The following ARG2 variants were observed in gnomAD, a reference collection of about 807,000 sequenced individuals.
ARG2 encodes arginase-2, mitochondrial.
In ARG2, 21 loss-of-function variants were observed where a neutral mutation model predicts 39.4. The observed-to-expected ratio is 0.53, with a 90% CI of 0.38 to 0.77. The LOEUF (loss-of-function observed/expected upper bound fraction) is 0.77. Among genes scored for constraint, ARG2 ranks in the 30% least tolerant of loss-of-function variants. ARG2 has a pLI of 0.00. For synonymous variants in ARG2, 150 were observed against 156.7 expected (o/e 0.96, Z 0.32); for missense variants, 378 against 426.2 (o/e 0.89, Z 1.00).
At chr14:67,632,883 T>G (rs1055475676) in intron 2 of ARG2, among the ~76,000 whole-genome samples, 5 of 132,556 alleles carry the variant, frequency 3.8e-5, no homozygotes, top group African/African-American at 1.4e-4. Context: ...TGCAGTGGCG[T>G]GATCTCGGCT....
At chr14:67,643,010 C>T (rs112722894) in intron 3 of ARG2, among the ~76,000 whole-genome samples, 4,383 of 151,902 alleles carry the variant, frequency 0.029, 227 homozygotes, top group African/African-American at 0.1. Flanking sequence ...GCCATGTTGC[C>T]CAGACTGGTC....
chr14:67,641,711 G>A (rs4902504), intron 2 of ARG2, among the ~76,000 whole-genome samples: 5,527 of 152,198 alleles, frequency 0.036, 285 homozygotes, highest in African/African-American at 0.11. Flanking sequence ...AGGATGAGGC[G>A]GGAGGATCAG....
chr14:67,619,973 G>T lies in ARG2; in HGVS notation c.-5G>T. 1 of 1,581,650 alleles carries T rather than the reference G, an allele frequency of 6.3e-7. No homozygotes were observed. The highest frequency in any genetic ancestry group is 1.7e-4 in the Middle Eastern group (1 of 5,968). ...CTGCCTTGGAGATTCTCAGTGCTGCGGATCATGTCCCTAAGGGGCAGCCTC... is the reference window on the plus strand; with the variant it reads ...CTGCCTTGGAGATTCTCAGTGCTGCTGATCATGTCCCTAAGGGGCAGCCTC... On this transcript the variant is annotated 5_prime_UTR_variant, in exon 1 of 8. Coordinates refer to ENST00000261783, the MANE Select transcript of ARG2 (RefSeq NM_001172.4).
At chr14:67,637,971 T>C (rs959644060) in intron 2 of ARG2, among the ~76,000 whole-genome samples, 2 of 152,140 alleles carry the variant, frequency 1.3e-5, no homozygotes, top group African/African-American at 4.8e-5. Context: ...TTCTCAATGC[T>C]TTCTTCCTCT....
At chr14:67,625,259 T>C (rs2036851742) in intron 2 of ARG2, among the ~76,000 whole-genome samples, 1 of 152,058 alleles carries the variant, frequency 6.6e-6, no homozygotes, top group South Asian at 2.1e-4. Flanking sequence ...TTAGAGAACA[T>C]AGGACTGGAT....
intron 3 of ARG2, among the ~76,000 whole-genome samples, chr14:67,642,722 T>A (rs914023172): frequency 6.6e-6 from 1 of 151,588 alleles, no homozygotes; most frequent in Non-Finnish European, 1.5e-5. Context: ...ATAGGCTGAA[T>A]GTGCAAGTTT....
chr14:67,620,153 C>A, intron 1 of ARG2, 65 bp downstream of exon 1: 1 of 1,206,232 alleles, frequency 8.3e-7, no homozygotes, highest in Non-Finnish European at 1.2e-6. Flanking sequence ...GAGACAGCGG[C>A]GGTAGGGTGC....
rs1163243916 is a variant in ARG2, at chr14:67,651,669, G to A, written c.*749G>A. The A allele has an allele frequency of 2.1e-6, 1 of 470,444 alleles. No individual in the cohort carries two copies. Among genetic ancestry groups the A allele is most frequent in the Admixed American group, 3.9e-5 (1 of 25,544 alleles). 29.1% of individuals were successfully genotyped at this position (470,444 alleles called of 1,614,324 possible). A position where few individuals can be genotyped will look rare whatever the true frequency, so the allele number is the denominator to read the frequency against. Reference sequence around the variant, plus strand: ...TAGGGATAACACTGTCTACCTCACAGAAATGTTAAACTGAGACAATAAAAA... The same window carrying A: ...TAGGGATAACACTGTCTACCTCACAAAAATGTTAAACTGAGACAATAAAAA... On this transcript the variant is annotated 3_prime_UTR_variant, in exon 8 of 8. Transcript: ENST00000261783.
At chr14:67,631,090 C>G (rs1297488531) in intron 2 of ARG2, among the ~76,000 whole-genome samples, 1 of 152,204 alleles carries the variant, frequency 6.6e-6, no homozygotes, top group African/African-American at 2.4e-5. Context: ...CTCTCCTAAC[C>G]TGTCCTTTCG....
chr14:67,645,345 GA>G (rs1487367841), intron 3 of ARG2, among the ~76,000 whole-genome samples: 2 of 152,106 alleles, frequency 1.3e-5, no homozygotes, highest in Admixed American at 1.3e-4. Context: ...ACAAATATTT[GA>G]GGTTCTTTTC....
chr14:67,633,939 C>A (rs538370735), intron 2 of ARG2, among the ~76,000 whole-genome samples: 1 of 152,214 alleles, frequency 6.6e-6, no homozygotes, highest in East Asian at 1.9e-4. Context: ...TCCCGCCACA[C>A]CCTTTGTACA....
At chr14:67,633,695 T>C (rs1594824765) in intron 2 of ARG2, among the ~76,000 whole-genome samples, 1 of 152,214 alleles carries the variant, frequency 6.6e-6, no homozygotes, top group Admixed American at 6.5e-5. Context: ...CCACGGTTGT[T>C]CCCCACCACA....
rs1037087811 is a variant in ARG2 at position 67,620,172 on chromosome 14, G to A, written c.111+84G>A. 16 of 988,064 alleles carry A rather than the reference G, an allele frequency of 1.6e-5. No homozygotes were observed. The African/African-American group carries it at 1.9e-4, about 12-fold the overall frequency. 61.2% of individuals were successfully genotyped at this position (988,064 alleles called of 1,614,324 possible). ...CAGCGGCGGTAGGGTGCGGGGGACCGGGAGGCGAGGAGAGGATGGGGAGAA... is the reference window on the plus strand; with the variant it reads ...CAGCGGCGGTAGGGTGCGGGGGACCAGGAGGCGAGGAGAGGATGGGGAGAA... On this transcript the variant is annotated intron_variant, in intron 1 of 7. Transcript: ENST00000261783.
At position 67,643,110 on chromosome 14, in the gene ARG2, C is replaced by T. The variant is rs561778116; in HGVS notation, c.362+747C>T. Among the ~76,000 whole-genome samples, 123 of 152,120 alleles carry T rather than the reference C, an allele frequency of 8.1e-4. 1 individual carries two copies. The highest frequency in any genetic ancestry group is 2.5e-4 in the Non-Finnish European group (17 of 68,016). On this transcript the variant is annotated intron_variant, in intron 3 of 7. Coordinates refer to ENST00000261783, the MANE Select transcript of ARG2 (RefSeq NM_001172.4). ...GAGCCACTGTGCCCAGCTGTGGATA[C>T]ATTTTCTGCCTCCACAATATGGACC...
intron 2 of ARG2, among the ~76,000 whole-genome samples, chr14:67,629,504 A>G (rs2036897791): frequency 6.6e-6 from 1 of 152,222 alleles, no homozygotes. Context: ...ACAAAGTGGA[A>G]TATCAGTTAC....
chr14:67,645,983 G>C (rs1193893436), intron 4 of ARG2, among the ~76,000 whole-genome samples, 181 bp downstream of exon 4: 1 of 152,176 alleles, frequency 6.6e-6, no homozygotes, highest in Non-Finnish European at 1.5e-5. Flanking sequence ...ACTAGACATA[G>C]TCTCTGTTCT....
intron 2 of ARG2, among the ~76,000 whole-genome samples, chr14:67,636,615 A>T (rs2036974573): frequency 6.6e-6 from 1 of 152,224 alleles, no homozygotes; most frequent in Non-Finnish European, 1.5e-5. Flanking sequence ...GCCTGGTTGC[A>T]TCATTCTGTT....
chr14:67,646,608 T>A, intron 4 of ARG2, 36 bp from the exon 5 acceptor site: 1 of 1,511,168 alleles, frequency 6.6e-7, no homozygotes, highest in African/African-American at 1.4e-5. Context: ...AGAACAAGAA[T>A]TCTTGATTAA....
chr14:67,635,335 C>A (rs2036960591), intron 2 of ARG2, among the ~76,000 whole-genome samples: 3 of 152,166 alleles, frequency 2.0e-5, no homozygotes, highest in African/African-American at 7.2e-5. Flanking sequence ...TGGTAGTAAC[C>A]AAATGAGTTT....
Sources: gnomAD v4.1 joint callset for allele counts (sites outside exome capture counted in the v4.1 genomes callset) on GRCh38, gnomAD v4.1.1 for gene constraint, MANE v1.5 for transcripts, NCBI Gene and HGNC (gene_info 2026-07-23, HGNC 2026-07-21) for gene names.